Variants in KDM2A observed in about 807,000 individuals in gnomAD.
KDM2A encodes the protein lysine-specific demethylase 2A.
A neutral mutation model predicts 137.3 loss-of-function variants in KDM2A; 3 were observed. The ratio of observed to expected loss-of-function variants is 0.02; its 90% CI spans 0.01 to 0.06. The LOEUF is 0.06. Among genes scored for constraint, KDM2A ranks in the 10% least tolerant of loss-of-function variants. The probability of loss-of-function intolerance (pLI) is 1.00; values close to 1 mark genes in which losing one functional copy is unlikely to be tolerated. For missense variants in KDM2A, 738 were observed against 1,510.6 expected (o/e 0.49, Z 8.48); for synonymous variants, 512 against 541.5 (o/e 0.95, Z 0.76).
chr11:67,140,120 G>A (rs772244184), intron 2 of KDM2A, among the ~76,000 whole-genome samples: 19 of 152,070 alleles, frequency 1.2e-4, no homozygotes, highest in Non-Finnish European at 2.6e-4. Flanking sequence ...CAACACTTTG[G>A]GAGGCTAAGG....
At chr11:67,194,557 AAACACCACAAAAGCAATGTGGCAT>A (rs1857434946) in intron 5 of KDM2A, among the ~76,000 whole-genome samples, 1 of 152,218 alleles carries the variant, frequency 6.6e-6, no homozygotes, top group Non-Finnish European at 1.5e-5. Flanking sequence ...AGAAGGTAAA[AAACACCACAAAAGCAATGTGGCAT>A]AACACTTTGT....
In KDM2A at chr11:67,154,192, A is replaced by G. The variant is rs192343583; in HGVS notation, c.43-25887A>G. Among the ~76,000 whole-genome samples the G allele has an allele frequency of 7.9e-5, 12 of 152,356 alleles. 1 individual carries two copies. The East Asian group carries it at 2.3e-3, about 29-fold the overall frequency. ...TATTAATAGAATAGAGGTGAACTAC[A>G]ACCCATGTACCAAATCTGGCTCGTC... On this transcript the variant is annotated intron_variant, in intron 2 of 20. Coordinates refer to ENST00000529006, the MANE Select transcript of KDM2A (RefSeq NM_012308.3).
intron 2 of KDM2A, among the ~76,000 whole-genome samples, chr11:67,133,792 C>T (rs571999270): frequency 6.6e-6 from 1 of 151,994 alleles, no homozygotes; most frequent in African/African-American, 2.4e-5. Context: ...ACTTCCGCCT[C>T]CCAGGTTCAA....
intron 2 of KDM2A, among the ~76,000 whole-genome samples, chr11:67,134,531 C>A (rs901337770): frequency 6.6e-6 from 1 of 151,896 alleles, no homozygotes. Flanking sequence ...TTTTTTGAGA[C>A]AGTCAATCTG....
intron 2 of KDM2A, among the ~76,000 whole-genome samples, chr11:67,157,757 A>AC (rs1180149456): frequency 6.6e-6 from 1 of 151,954 alleles, no homozygotes; most frequent in East Asian, 1.9e-4. Context: ...AAAAAAAAAA[A>AC]AAAAAAACTT....
intron 5 of KDM2A, among the ~76,000 whole-genome samples, chr11:67,189,242 C>G (rs1857285233): frequency 6.6e-6 from 1 of 152,064 alleles, no homozygotes; most frequent in Non-Finnish European, 1.5e-5. Context: ...AGTTAAAAAT[C>G]AATAACAGGT....
chr11:67,208,563 A>T (rs898127992), intron 6 of KDM2A, among the ~76,000 whole-genome samples: 1 of 151,998 alleles, frequency 6.6e-6, no homozygotes, highest in African/African-American at 2.4e-5. Context: ...TGAGGTCAGG[A>T]GTTTGAGACC....
chr11:67,226,444 C>T (rs555881725), intron 10 of KDM2A, among the ~76,000 whole-genome samples: 16 of 152,194 alleles, frequency 1.1e-4, no homozygotes, highest in Non-Finnish European at 2.2e-4. Flanking sequence ...GATTTCCAGC[C>T]AGGCGCAGTG....
At position 67,250,673 on chromosome 11, in the gene KDM2A, G is replaced by A; in HGVS notation, c.2643G>A (p.Arg881=). 1 of 1,604,218 alleles carries A rather than the reference G, an allele frequency of 6.2e-7. No individual in the cohort carries two copies. The change falls in exon 17 of 21, where the codon CGG becomes CGA. Residue 881 remains arginine (R), a synonymous_variant. Transcript: ENST00000529006. The surrounding 1 kb of genome is among the most constrained non-coding windows in gnomAD (Gnocchi z 7.1). ...EEGGAARLNG[R]GSWAQDGDES... ...GGGGTGCAGCCAGGCTGAATGGCCGGGGCAGTTGGGCTCAGGATGGAGACG... is the reference window on the plus strand; with the variant it reads ...GGGGTGCAGCCAGGCTGAATGGCCGAGGCAGTTGGGCTCAGGATGGAGACG...
chr11:67,177,172 G>A (rs1049933455), intron 2 of KDM2A, among the ~76,000 whole-genome samples: 4 of 151,902 alleles, frequency 2.6e-5, no homozygotes, highest in Admixed American at 6.6e-5. Context: ...AGGCTGAGGC[G>A]AGAGAATCAC....
chr11:67,191,934 T>G (rs1446419224), intron 5 of KDM2A, among the ~76,000 whole-genome samples: 1 of 152,212 alleles, frequency 6.6e-6, no homozygotes, highest in African/African-American at 2.4e-5. Flanking sequence ...TATTTGTTAT[T>G]AGTATTTTTC....
At chr11:67,184,547 G>A (rs1371021280) in intron 5 of KDM2A, among the ~76,000 whole-genome samples, 1 of 152,034 alleles carries the variant, frequency 6.6e-6, no homozygotes, top group Non-Finnish European at 1.5e-5. Context: ...AGAATTGCTT[G>A]AACCGGGAGG....
At chr11:67,239,192 C>T (rs1373040977) in intron 12 of KDM2A, among the ~76,000 whole-genome samples, 1 of 152,164 alleles carries the variant, frequency 6.6e-6, no homozygotes, top group Non-Finnish European at 1.5e-5. Flanking sequence ...GATAATCTTA[C>T]AGGCAGAGGA....
intron 5 of KDM2A, among the ~76,000 whole-genome samples, chr11:67,202,727 G>C (rs1193248306): frequency 6.7e-6 from 1 of 149,016 alleles, no homozygotes; most frequent in East Asian, 1.9e-4. Context: ...AGTGAGCCGA[G>C]ATCGCGCCAC....
intron 6 of KDM2A, among the ~76,000 whole-genome samples, chr11:67,210,506 G>C (rs1857947654): frequency 6.6e-6 from 1 of 151,930 alleles, no homozygotes; most frequent in Non-Finnish European, 1.5e-5. Context: ...TATTCACTCT[G>C]TCCCTAGTTT....
intron 1 of KDM2A, among the ~76,000 whole-genome samples, chr11:67,120,386 A>C (rs936357566): frequency 2.6e-5 from 4 of 152,192 alleles, no homozygotes; most frequent in African/African-American, 9.6e-5. Context: ...GCTGTAATGT[A>C]GTGACAAAAA....
At chr11:67,135,353 C>G (rs544987169) in intron 2 of KDM2A, among the ~76,000 whole-genome samples, 74 of 152,280 alleles carry the variant, frequency 4.9e-4, no homozygotes, top group African/African-American at 1.7e-3. Context: ...CGTGAGCCAC[C>G]GCGCCCAGCA....
At chr11:67,154,701 A>G (rs542054394) in intron 2 of KDM2A, among the ~76,000 whole-genome samples, 1 of 152,126 alleles carries the variant, frequency 6.6e-6, no homozygotes, top group African/African-American at 2.4e-5. Context: ...GGCCTCCCAA[A>G]GTGTTGGGAT....
At chr11:67,203,520 TA>T (rs1485720439) in intron 5 of KDM2A, among the ~76,000 whole-genome samples, 1 of 147,670 alleles carries the variant, frequency 6.8e-6, no homozygotes, top group Non-Finnish European at 1.5e-5. Context: ...TAATATAAAA[TA>T]TATAATAAAT....
Sources: allele counts gnomAD v4.1 joint callset (sites outside exome capture counted in the v4.1 genomes callset), GRCh38; gene constraint gnomAD v4.1.1; non-coding constraint Gnocchi (gnomAD v3.1); transcripts MANE v1.5; gene names NCBI Gene and HGNC (gene_info 2026-07-23, HGNC 2026-07-21).